Variants in ZBTB44 observed in about 807,000 individuals in gnomAD.
ZBTB44 encodes zinc finger and BTB domain-containing protein 44.
In ZBTB44, 15 loss-of-function variants were observed where a neutral mutation model predicts 54.0. The ratio of observed to expected loss-of-function variants is 0.28; its 90% confidence interval spans 0.19 to 0.43. The LOEUF is 0.43. Ranked by LOEUF, ZBTB44 falls within the 20% of genes least tolerant of loss-of-function variation. The pLI is 1.00. For synonymous variants in ZBTB44, 230 were observed against 250.1 expected (o/e 0.92, Z 0.76); for missense variants, 487 against 707.1 (o/e 0.69, Z 3.53).
chr11:130,298,083 T>C (rs1308570572), intron 1 of ZBTB44, among the ~76,000 whole-genome samples: 1 of 152,050 alleles, frequency 6.6e-6, no homozygotes, highest in Non-Finnish European at 1.5e-5. Context: ...ATAAAAAATG[T>C]GTATGCTTCA....
At chr11:130,251,015 T>A (rs1239759973) in intron 2 of ZBTB44, among the ~76,000 whole-genome samples, 2 of 152,230 alleles carry the variant, frequency 1.3e-5, no homozygotes, top group South Asian at 4.1e-4. Flanking sequence ...GCATGTTCTA[T>A]CTCACCCAAT....
At chr11:130,239,710 T>C in intron 3 of ZBTB44, 102 bp downstream of exon 3, 1 of 882,300 alleles carries the variant, frequency 1.1e-6, no homozygotes, top group Non-Finnish European at 1.8e-6. Context: ...TATACTGAAG[T>C]GAGGTTGTAA....
At chr11:130,301,818 T>G (rs549121374) in intron 1 of ZBTB44, among the ~76,000 whole-genome samples, 2 of 152,088 alleles carry the variant, frequency 1.3e-5, no homozygotes, top group Admixed American at 6.5e-5. Flanking sequence ...AGAGGCTGAG[T>G]TGGGCAGGCT....
At chr11:130,308,245 C>T (rs1234928822) in intron 1 of ZBTB44, among the ~76,000 whole-genome samples, 1 of 152,208 alleles carries the variant, frequency 6.6e-6, no homozygotes, top group East Asian at 1.9e-4. Flanking sequence ...CATACAATGA[C>T]ACAATCGCCT....
At chr11:130,267,110 A>G (rs954621401) in intron 1 of ZBTB44, among the ~76,000 whole-genome samples, 32 of 152,054 alleles carry the variant, frequency 2.1e-4, no homozygotes, top group African/African-American at 7.0e-4. Flanking sequence ...CAAAAAATAC[A>G]AAAATTAGCT....
At chr11:130,293,180 G>T (rs774290601) in intron 1 of ZBTB44, among the ~76,000 whole-genome samples, 2 of 151,892 alleles carry the variant, frequency 1.3e-5, no homozygotes, top group African/African-American at 2.4e-5. Context: ...GATAATTTTA[G>T]GCCTGGAACA....
intron 1 of ZBTB44, among the ~76,000 whole-genome samples, chr11:130,284,325 T>G (rs577638204): frequency 9.2e-5 from 14 of 152,348 alleles, no homozygotes; most frequent in Admixed American, 4.6e-4. Context: ...AGTTTATTCA[T>G]TGGTAAAATA....
chr11:130,239,903 A>AT lies in ZBTB44; in HGVS notation c.1019-8dup, dbSNP rs1415221973. On this transcript the variant is annotated splice_polypyrimidine_tract_variant and splice_region_variant and intron_variant, in intron 2 of 7. Transcript: ENST00000357899. ...ACGCCTTCATCTACTGAGCCTGTGAATAAGAGAAAGAGGACCACTGTAATC... is the reference window on the plus strand; with the variant it reads ...ACGCCTTCATCTACTGAGCCTGTGAATTAAGAGAAAGAGGACCACTGTAATC... The AT allele has an allele frequency of 1.2e-6, 2 of 1,606,278 alleles. No individual in the cohort carries two copies. Among genetic ancestry groups the AT allele is most frequent in the Non-Finnish European group, 1.7e-6 (2 of 1,175,582 alleles).
At chr11:130,273,919 C>G (rs1275130058) in intron 1 of ZBTB44, among the ~76,000 whole-genome samples, 26 of 142,756 alleles carry the variant, frequency 1.8e-4, no homozygotes, top group Non-Finnish European at 2.7e-4. Context: ...CCCGGCCCAT[C>G]TATAAAAAAT....
intron 1 of ZBTB44, among the ~76,000 whole-genome samples, chr11:130,282,427 G>C (rs79685989): frequency 6.6e-6 from 1 of 152,192 alleles, no homozygotes; most frequent in African/African-American, 2.4e-5. Flanking sequence ...TTCACATAGC[G>C]AAGTGTTCTC....
chr11:130,238,786 G>T (rs1954224849), intron 3 of ZBTB44, 179 bp from the exon 4 acceptor site: 1 of 677,504 alleles, frequency 1.5e-6, no homozygotes, highest in Non-Finnish European at 2.2e-6. Context: ...TGTCCAGAAT[G>T]CCTTTTGTTT....
intron 1 of ZBTB44, among the ~76,000 whole-genome samples, chr11:130,294,153 A>G (rs1289352565): frequency 1.3e-5 from 2 of 152,128 alleles, no homozygotes; most frequent in Non-Finnish European, 2.9e-5. Flanking sequence ...TCACACCTGT[A>G]ATCCCAGTAC....
At position 130,231,442 on chromosome 11, in the gene ZBTB44, G is replaced by C. The variant is rs747121984; in HGVS notation, c.*322C>G. On this transcript the variant is annotated 3_prime_UTR_variant, in exon 8 of 8. Transcript: ENST00000357899. ...ATATTCAGATTTCCCATAAAACTTGGCAATGTGTATTACCAGTGAAAATCT... is the reference window on the plus strand; with the variant it reads ...ATATTCAGATTTCCCATAAAACTTGCCAATGTGTATTACCAGTGAAAATCT... The C allele has an allele frequency of 1.3e-5, 2 of 152,012 alleles. No individual in the cohort carries two copies. Among genetic ancestry groups the C allele is most frequent in the Admixed American group, 6.5e-5 (1 of 15,274 alleles). The allele number at this position is 152,012 out of a possible 1,614,324, so 9.4% of individuals were successfully genotyped here.
rs779229321 is a variant in ZBTB44, at chr11:130,260,975, T to C, written c.899A>G (p.His300Arg). 1.5e-5 allele frequency: 24 copies of C among 1,614,008 alleles called. No individual in the cohort carries two copies. The highest frequency in any genetic ancestry group is 1.9e-5 in the Non-Finnish European group (23 of 1,179,890). ...ACTGACAGGCTGGGACACTTCCTCA[T>C]GGACCTCCTCATCACTTAATCTTTC... ...KVERLSDEEV[H>R]EEVSQPVSAS... The change falls in exon 2 of 8, where the codon CAT becomes CGT. Residue 300 changes from histidine to arginine, a missense_variant. By Grantham distance (29) the His-to-Arg change is conservative. Around this residue, in one of 3 missense-constraint regions of ZBTB44, gnomAD observed 277 missense variants for 306.5 expected, o/e 0.90. Transcript: ENST00000357899.
intron 2 of ZBTB44, among the ~76,000 whole-genome samples, chr11:130,248,050 AATT>A (rs1937671783): frequency 6.6e-6 from 1 of 152,246 alleles, no homozygotes; most frequent in Non-Finnish European, 1.5e-5. Flanking sequence ...TGGATAATCA[AATT>A]ATTATTTTGG....
intron 1 of ZBTB44, among the ~76,000 whole-genome samples, chr11:130,268,193 A>G (rs1267191872): frequency 6.7e-6 from 1 of 148,454 alleles, no homozygotes; most frequent in Non-Finnish European, 1.5e-5. Context: ...CAGGAGCTCA[A>G]TGCAATGGAG....
At chr11:130,271,713 A>C (rs1565667121) in intron 1 of ZBTB44, among the ~76,000 whole-genome samples, 1 of 152,116 alleles carries the variant, frequency 6.6e-6, no homozygotes, top group East Asian at 1.9e-4. Context: ...CCGCATTTTT[A>C]TTATCTACAG....
chr11:130,295,932 A>C, intron 1 of ZBTB44: 1 of 1,523,010 alleles, frequency 6.6e-7, no homozygotes, highest in Non-Finnish European at 9.1e-7. Context: ...CTGCTGAAGC[A>C]CAGAAACTTG....
chr11:130,274,563 C>A (rs928308593), intron 1 of ZBTB44, among the ~76,000 whole-genome samples: 1 of 152,170 alleles, frequency 6.6e-6, no homozygotes, highest in East Asian at 1.9e-4. Context: ...GTGTTACTAT[C>A]ACTAAAGGGA....
Sources: allele counts gnomAD v4.1 joint callset (sites outside exome capture counted in the v4.1 genomes callset), GRCh38; gene constraint gnomAD v4.1.1; regional missense constraint gnomAD v4.1.1; transcripts MANE v1.5; gene names NCBI Gene and HGNC (gene_info 2026-07-23, HGNC 2026-07-21).